The following AHR variants were observed in gnomAD, a reference collection of about 807,000 sequenced individuals.
AHR encodes the protein aryl hydrocarbon receptor.
AHR carries 40 observed loss-of-function variants against 86.8 expected under a neutral mutation model. That is an observed-to-expected ratio of 0.46 (90% CI 0.36 to 0.60). The LOEUF (loss-of-function observed/expected upper bound fraction) is 0.60. Ranked by LOEUF, AHR falls within the 20% of genes least tolerant of loss-of-function variation. The probability of loss-of-function intolerance (pLI) is 0.00; values close to 1 mark genes in which losing one functional copy is unlikely to be tolerated. For missense variants in AHR, 1,001 were observed against 1,011.6 expected (o/e 0.99, Z 0.14); for synonymous variants, 398 against 354.9 (o/e 1.12, Z -1.37).
intron 4 of AHR, among the ~76,000 whole-genome samples, chr7:17,329,096 A>AT (rs1050871292): frequency 1.3e-5 from 2 of 151,866 alleles, no homozygotes; most frequent in African/African-American, 4.8e-5. Context: ...ATACACATGG[A>AT]TTTTTTTCCT....
chr7:17,338,918 T>C (rs780199587), intron 9 of AHR, 68 bp from the exon 10 acceptor site: 34 of 1,404,412 alleles, frequency 2.4e-5, no homozygotes, highest in Non-Finnish European at 3.2e-5. Flanking sequence ...TTTTTCTTTT[T>C]TAAATTATTT....
chr7:17,330,929 C>T (rs367570281), intron 6 of AHR, 43 bp downstream of exon 6: 5 of 1,583,152 alleles, frequency 3.2e-6, no homozygotes. Flanking sequence ...ACTATTGTTA[C>T]AATAAAAGCT....
At chr7:17,336,521 G>T (rs1782356230) in intron 9 of AHR, among the ~76,000 whole-genome samples, 1 of 152,026 alleles carries the variant, frequency 6.6e-6, no homozygotes. Context: ...GATTGCCTTG[G>T]TTCTTCTTTG....
chr7:17,313,131 GT>G (rs35006850), intron 2 of AHR, among the ~76,000 whole-genome samples: 7 of 148,960 alleles, frequency 4.7e-5, no homozygotes, highest in Non-Finnish European at 7.5e-5. Flanking sequence ...AAATAATAAG[GT>G]TTTTTTTTTA....
intron 9 of AHR, among the ~76,000 whole-genome samples, chr7:17,336,665 T>C (rs937791893): frequency 1.3e-5 from 2 of 152,174 alleles, no homozygotes; most frequent in Admixed American, 6.5e-5. Flanking sequence ...TTTGAGCCCA[T>C]GAACATGATG....
chr7:17,321,600 CA>C (rs1393644464), intron 2 of AHR, among the ~76,000 whole-genome samples: 3 of 151,428 alleles, frequency 2.0e-5, no homozygotes, highest in Non-Finnish European at 4.4e-5. Flanking sequence ...CACATACACA[CA>C]CACACACACA....
chr7:17,332,008 G>A (rs546827863), intron 6 of AHR, among the ~76,000 whole-genome samples: 2 of 151,998 alleles, frequency 1.3e-5, no homozygotes, highest in African/African-American at 4.8e-5. Flanking sequence ...TGAACAATTA[G>A]TATGTAGAGT....
chr7:17,326,699 G>C (rs200684645), intron 3 of AHR, among the ~76,000 whole-genome samples: 1 of 152,122 alleles, frequency 6.6e-6, no homozygotes, highest in East Asian at 1.9e-4. Flanking sequence ...CTAAAAAGCA[G>C]TAAATAGCTT....
chr7:17,322,353 T>G, intron 2 of AHR, 148 bp from the exon 3 acceptor site: 1 of 608,350 alleles, frequency 1.6e-6, no homozygotes, highest in Non-Finnish European at 3.0e-6. Flanking sequence ...ACCTAGTATT[T>G]ATTATTTACC....
Position 17,322,446 on chromosome 7 carries a change from T to C in AHR, c.254-55T>C, listed in dbSNP as rs1453348327. The stretch of plus-strand genomic sequence containing the variant: ...TTTGGTGTTCAGAAGTTTTCTATTA[T>C]AGCTCTTTACTCTTGCTTACTTTTA... On this transcript the variant is annotated intron_variant, in intron 2 of 10. Transcript: ENST00000242057. 3.4e-6 allele frequency: 4 copies of C among 1,162,038 alleles called. No homozygotes were observed. The African/African-American group carries it at 4.7e-5, about 14-fold the overall frequency. The allele number at this position is 1,162,038 out of a possible 1,614,324, so 72.0% of individuals were successfully genotyped here.
At chr7:17,317,121 T>TTG (rs1554266156) in intron 2 of AHR, among the ~76,000 whole-genome samples, 6 of 149,934 alleles carry the variant, frequency 4.0e-5, no homozygotes, top group African/African-American at 1.5e-4. Context: ...ATTTTGTTTT[T>TTG]TTTTTTTTTT....
At chr7:17,310,536 CTTT>C (rs1231748729) in intron 2 of AHR, among the ~76,000 whole-genome samples, 2 of 141,162 alleles carry the variant, frequency 1.4e-5, no homozygotes, top group African/African-American at 5.2e-5. Flanking sequence ...TATTTCTAAT[CTTT>C]TTTTTTTTTT....
intron 1 of AHR, among the ~76,000 whole-genome samples, chr7:17,308,524 G>A (rs1782028569): frequency 6.6e-6 from 1 of 152,148 alleles, no homozygotes; most frequent in Non-Finnish European, 1.5e-5. Flanking sequence ...AGCATTATAG[G>A]TAAAGTTTGA....
rs1425118387 is a variant in AHR, at chr7:17,339,670, A to G, written c.1845A>G (p.Glu615=). 6.2e-7 allele frequency: 1 copy of G among 1,614,116 alleles called. No homozygotes were observed. Residue 615 remains glutamate (E), a synonymous_variant, in exon 10 of 11, where the codon GAA becomes GAG. Coordinates refer to ENST00000242057, the MANE Select transcript of AHR (RefSeq NM_001621.5). ...TGAACTCAAGCTGTATGGTACAGGAACACCTACATCTAGAACAGCAACAGC... is the reference window on the plus strand; with the variant it reads ...TGAACTCAAGCTGTATGGTACAGGAGCACCTACATCTAGAACAGCAACAGC... ...LALNSSCMVQ[E]HLHLEQQQQH... is the part of the protein sequence containing the mutation.
chr7:17,328,021 C>T (rs1782247397), intron 4 of AHR, among the ~76,000 whole-genome samples, 173 bp downstream of exon 4: 1 of 151,606 alleles, frequency 6.6e-6, no homozygotes, highest in Non-Finnish European at 1.5e-5. Context: ...CACTATAATT[C>T]CTTTAAACCT....
At position 17,334,019 on chromosome 7, in the gene AHR, A is replaced by G. The variant is rs770286482; in HGVS notation, c.813A>G (p.Pro271=). Residue 271 remains proline, a synonymous_variant, in exon 7 of 11, where the codon CCA becomes CCG. Coordinates refer to ENST00000242057, the MANE Select transcript of AHR (RefSeq NM_001621.5). ...TGGCTTTGTTTGCGATAGCTACTCC[A>G]CTTCAGCCACCATCCATACTTGAAA... is the stretch of plus-strand genomic sequence containing the variant. ...PQLALFAIAT[P]LQPPSILEIR... is the part of the protein sequence containing the mutation. 2 of 1,613,540 alleles carry G rather than the reference A, an allele frequency of 1.2e-6. No individual in the cohort carries two copies. Among genetic ancestry groups the G allele is most frequent in the East Asian group, 2.2e-5 (1 of 44,858 alleles).
rs1202202800 is a variant in AHR, at chr7:17,334,928, C to T, written c.950C>T (p.Thr317Met). ...GGATATACTGAAGCAGAGCTGTGCA[C>T]GAGAGGCTCAGGTTATCAGTTTATT... ...VLGYTEAELC[T>M]RGSGYQFIHA... The change falls in exon 8 of 11, where the codon ACG (threonine) becomes ATG (methionine). Residue 317 changes from threonine to methionine, a missense_variant. Physicochemically the swap from Thr to Met is moderately conservative, Grantham distance 81. Transcript: ENST00000242057. 4.3e-6 allele frequency: 7 copies of T among 1,613,000 alleles called. No individual in the cohort carries two copies. In the Admixed American group the frequency reaches 5.0e-5, roughly 12 times the overall value.
chr7:17,323,216 G>A (rs1782192810), intron 3 of AHR, among the ~76,000 whole-genome samples: 2 of 152,082 alleles, frequency 1.3e-5, no homozygotes, highest in Non-Finnish European at 2.9e-5. Context: ...AATTTAAGAT[G>A]TTGAATTTAT....
At chr7:17,308,461 C>G (rs1782027668) in intron 1 of AHR, among the ~76,000 whole-genome samples, 1 of 152,084 alleles carries the variant, frequency 6.6e-6, no homozygotes, top group African/African-American at 2.4e-5. Flanking sequence ...TAAATAAATA[C>G]TTGTCAGCAA....
Sources: allele counts gnomAD v4.1 joint callset (sites outside exome capture counted in the v4.1 genomes callset), GRCh38; gene constraint gnomAD v4.1.1; transcripts MANE v1.5; gene names NCBI Gene and HGNC (gene_info 2026-07-23, HGNC 2026-07-21).